The following CTNND2 variants were observed in gnomAD, a reference collection of about 807,000 sequenced individuals.
The protein encoded by CTNND2 is catenin delta-2.
In CTNND2, 22 loss-of-function variants were observed where a neutral mutation model predicts 144.4. The observed-to-expected ratio is 0.15, with a 90% CI of 0.11 to 0.22. The LOEUF (loss-of-function observed/expected upper bound fraction) is 0.22, where lower values mean the gene tolerates loss of function less well. Among genes scored for constraint, CTNND2 ranks in the 10% least tolerant of loss-of-function variants. CTNND2 has a pLI of 1.00. For synonymous variants in CTNND2, 751 were observed against 695.6 expected (o/e 1.08, Z -1.25); for missense variants, 1,353 against 1,618.8 (o/e 0.84, Z 2.82).
chr5:11,883,706 T>C lies in CTNND2; in HGVS notation c.37+20111A>G, dbSNP rs183448326. ...TTCGGTTATATACCCAGTAATGGGA[T>C]TGCTGGATCAAATGGTATTTCTGGT... is the stretch of plus-strand genomic sequence containing the variant. On this transcript the variant is annotated intron_variant, in intron 1 of 21. Coordinates refer to ENST00000304623, the MANE Select transcript of CTNND2 (RefSeq NM_001332.4). Among the ~76,000 whole-genome samples, 442 of 152,320 alleles carry C rather than the reference T, an allele frequency of 2.9e-3. 3 individuals carry two copies. The highest frequency in any genetic ancestry group is 9.9e-3 in the African/African-American group (413 of 41,576).
intron 5 of CTNND2, among the ~76,000 whole-genome samples, chr5:11,404,720 C>T (rs991686453): frequency 7.9e-5 from 11 of 139,922 alleles, no homozygotes; most frequent in Non-Finnish European, 1.1e-4. Flanking sequence ...CAGGTTCAAG[C>T]GATTCTCCTG....
chr5:11,642,551 A>C (rs1241790581), intron 2 of CTNND2, among the ~76,000 whole-genome samples: 1 of 152,180 alleles, frequency 6.6e-6, no homozygotes, highest in Non-Finnish European at 1.5e-5. Context: ...TTCAAGGCAC[A>C]GGAAGCAGCA....
chr5:11,426,474 G>A (rs1028929081), intron 3 of CTNND2, among the ~76,000 whole-genome samples: 3 of 152,316 alleles, frequency 2.0e-5, no homozygotes, highest in South Asian at 2.1e-4. Context: ...TATGTTTTGC[G>A]AGTGAAATCT....
At chr5:11,770,973 C>T (rs368922786) in intron 1 of CTNND2, among the ~76,000 whole-genome samples, 1 of 152,038 alleles carries the variant, frequency 6.6e-6, no homozygotes, top group Non-Finnish European at 1.5e-5. Flanking sequence ...AGAAACACAA[C>T]TATATCTTAT....
intron 1 of CTNND2, among the ~76,000 whole-genome samples, chr5:11,822,253 T>C (rs1793354613): frequency 6.6e-6 from 1 of 152,204 alleles, no homozygotes. Context: ...TGGCAGTAAC[T>C]GTCTATCAGT....
chr5:11,898,415 T>C (rs951459909), intron 1 of CTNND2, among the ~76,000 whole-genome samples: 2 of 152,202 alleles, frequency 1.3e-5, no homozygotes, highest in Admixed American at 1.3e-4. Flanking sequence ...AAGAACTGCA[T>C]AAAACATGCA....
At chr5:11,364,341 AGC>A (rs1756755921) in intron 8 of CTNND2, among the ~76,000 whole-genome samples, 2 of 152,244 alleles carry the variant, frequency 1.3e-5, no homozygotes, top group Non-Finnish European at 2.9e-5. Context: ...ACCATCATCA[AGC>A]ATACGTCTTT....
chr5:11,285,493 A>G (rs1177110051), intron 9 of CTNND2, among the ~76,000 whole-genome samples: 2 of 152,202 alleles, frequency 1.3e-5, no homozygotes, highest in Non-Finnish European at 1.5e-5. Context: ...GAGGATAAAC[A>G]CAAAAGTGTA....
chr5:11,879,352 T>TAC (rs199703701), intron 1 of CTNND2, among the ~76,000 whole-genome samples: 3,525 of 137,244 alleles, frequency 0.026, 257 homozygotes, highest in African/African-American at 0.053. Context: ...TATATATATA[T>TAC]ATATACATAT....
rs1374199706 is a variant in CTNND2 at position 11,199,581 on chromosome 5, T to G, written c.1842A>C (p.Gly614=). 1 of 1,614,166 alleles carries G rather than the reference T, an allele frequency of 6.2e-7. No homozygotes were observed. Among genetic ancestry groups the G allele is most frequent in the Non-Finnish European group, 8.5e-7 (1 of 1,180,028 alleles). ...RMTEVHRSAC[G]ALRNLVYGKA... is the part of the protein sequence containing the mutation. Reference sequence around the variant, plus strand: ...TCCCATACACCAGGTTTCTCAGAGCTCCACAGGCACTACGGTGGACTTCGG... The same window carrying G: ...TCCCATACACCAGGTTTCTCAGAGCGCCACAGGCACTACGGTGGACTTCGG... The change falls in exon 11 of 22, where the codon GGA becomes GGC. Residue 614 remains glycine (G), a synonymous_variant. Coordinates refer to ENST00000304623, the MANE Select transcript of CTNND2 (RefSeq NM_001332.4).
chr5:11,346,415 A>G lies in CTNND2; in HGVS notation c.1585T>C (p.Leu529=). The change falls in exon 9 of 22, where the codon TTG becomes CTG. Residue 529 remains leucine, a synonymous_variant. Coordinates refer to ENST00000304623, the MANE Select transcript of CTNND2 (RefSeq NM_001332.4). ...CTATCAATGGACGGGGACCTGGCCA[A>G]GGTGCCTTCAGGCGGGAGAGCAGGG... ...SGPALPPEGT[L]ARSPSIDSIQ... The G allele has an allele frequency of 6.5e-7, 1 of 1,527,636 alleles. No individual in the cohort carries two copies. The highest frequency in any genetic ancestry group is 1.3e-5 in the South Asian group (1 of 79,310). The allele number at this position is 1,527,636 out of a possible 1,614,324, so 94.6% of individuals were successfully genotyped here.
chr5:11,075,172 G>A (rs1748804301), intron 16 of CTNND2, among the ~76,000 whole-genome samples: 1 of 152,152 alleles, frequency 6.6e-6, no homozygotes, highest in African/African-American at 2.4e-5. Flanking sequence ...TTCCATCTTG[G>A]TTGGTGGATG....
chr5:11,782,973 T>C (rs1034212374), intron 1 of CTNND2, among the ~76,000 whole-genome samples: 6 of 152,138 alleles, frequency 3.9e-5, no homozygotes, highest in African/African-American at 1.2e-4. Flanking sequence ...CTAGTGGACA[T>C]TGGAGAACAT....
intron 2 of CTNND2, among the ~76,000 whole-genome samples, chr5:11,670,437 A>G (rs938196561): frequency 6.6e-6 from 1 of 152,150 alleles, no homozygotes; most frequent in Admixed American, 6.6e-5. Flanking sequence ...GTGCTCCTGC[A>G]TTGGGTGCAT....
At chr5:10,977,789 C>T (rs1014759615) in intron 21 of CTNND2, among the ~76,000 whole-genome samples, 1 of 152,190 alleles carries the variant, frequency 6.6e-6, no homozygotes, top group Admixed American at 6.5e-5. Flanking sequence ...ACCCGTTGAC[C>T]TCAGACATTC....
intron 1 of CTNND2, among the ~76,000 whole-genome samples, chr5:11,830,490 CCT>C (rs949466943): frequency 2.0e-5 from 3 of 152,308 alleles, no homozygotes; most frequent in Admixed American, 1.3e-4. Context: ...CCCTGTACAA[CCT>C]CTCCCTTTGC....
At chr5:11,290,468 C>G (rs1187319482) in intron 9 of CTNND2, among the ~76,000 whole-genome samples, 4 of 152,184 alleles carry the variant, frequency 2.6e-5, no homozygotes, top group Admixed American at 2.6e-4. Flanking sequence ...ATTTCTACCT[C>G]TACCATGACT....
chr5:11,485,388 TGC>T (rs1768724003), intron 3 of CTNND2, among the ~76,000 whole-genome samples: 1 of 127,996 alleles, frequency 7.8e-6, no homozygotes. Context: ...CGCGCGCGCG[TGC>T]GCGCGCACAT....
chr5:11,433,865 A>C (rs960408943), intron 3 of CTNND2, among the ~76,000 whole-genome samples: 12 of 152,230 alleles, frequency 7.9e-5, no homozygotes, highest in African/African-American at 2.9e-4. Flanking sequence ...ACCAAATTCA[A>C]ATAGGTGGTT....
Sources: gnomAD v4.1 joint callset for allele counts (sites outside exome capture counted in the v4.1 genomes callset) on GRCh38, gnomAD v4.1.1 for gene constraint, MANE v1.5 for transcripts, NCBI Gene and HGNC (gene_info 2026-07-23, HGNC 2026-07-21) for gene names.